The following CYTH1 variants were observed in gnomAD, a reference collection of about 807,000 sequenced individuals.
The protein encoded by CYTH1 is cytohesin 1.
In CYTH1, 18 loss-of-function variants were observed where a neutral mutation model predicts 61.8. That is an observed-to-expected ratio of 0.29 (90% CI 0.20 to 0.43). The LOEUF (loss-of-function observed/expected upper bound fraction) is 0.43, where lower values mean the gene tolerates loss of function less well. Ranked by LOEUF, CYTH1 falls within the 20% of genes least tolerant of loss-of-function variation. The probability of loss-of-function intolerance (pLI) is 1.00; values close to 1 mark genes in which losing one functional copy is unlikely to be tolerated. For synonymous variants in CYTH1, 174 were observed against 184.3 expected, an observed-to-expected ratio of 0.94 and a Z score of 0.45; for missense variants, 336 against 510.5, an observed-to-expected ratio of 0.66 and a Z score of 3.29.
chr17:78,676,288 C>A, intron 13 of CYTH1, 119 bp from the exon 14 acceptor site: 2 of 933,422 alleles, frequency 2.1e-6, no homozygotes, highest in Non-Finnish European at 1.6e-6. Context: ...ACCCCACCAT[C>A]ACTGCAAAGG....
intron 1 of CYTH1, among the ~76,000 whole-genome samples, chr17:78,759,005 A>G (rs1189936707): frequency 6.6e-6 from 1 of 151,868 alleles, no homozygotes; most frequent in African/African-American, 2.4e-5. Context: ...CAGGAAGCTG[A>G]GGTGGGAGGA....
chr17:78,709,433 G>C, intron 2 of CYTH1: 1 of 522,100 alleles, frequency 1.9e-6, no homozygotes, highest in Non-Finnish European at 3.4e-6. Flanking sequence ...CGACCAACTG[G>C]GTGAACCTGG....
At chr17:78,680,494 C>A (rs1436362010) in intron 12 of CYTH1, 150 bp from the exon 13 acceptor site, 6 of 958,644 alleles carry the variant, frequency 6.3e-6, no homozygotes, top group Non-Finnish European at 9.0e-6. Context: ...AGCCTAGAAG[C>A]GGAATTCTAG....
chr17:78,767,181 G>A (rs566419935), intron 1 of CYTH1, among the ~76,000 whole-genome samples: 39 of 152,222 alleles, frequency 2.6e-4, no homozygotes, highest in Non-Finnish European at 3.7e-4. Context: ...TCAAAAGTAC[G>A]TCTCAGCCGG....
intron 1 of CYTH1, among the ~76,000 whole-genome samples, chr17:78,757,607 A>C (rs2093406905): frequency 6.6e-6 from 1 of 152,116 alleles, no homozygotes; most frequent in Non-Finnish European, 1.5e-5. Context: ...GGCAGGAAAA[A>C]ATTTTAATTA....
intron 1 of CYTH1, among the ~76,000 whole-genome samples, chr17:78,735,107 G>C (rs1243739883): frequency 6.6e-6 from 1 of 152,220 alleles, no homozygotes; most frequent in African/African-American, 2.4e-5. Flanking sequence ...GGGGGTAAGG[G>C]AAGCGAAGAA....
intron 1 of CYTH1, among the ~76,000 whole-genome samples, chr17:78,781,181 A>AAAG (rs2093516012): frequency 6.6e-6 from 1 of 150,740 alleles, no homozygotes; most frequent in South Asian, 2.1e-4. Flanking sequence ...AAAAAAAAAA[A>AAAG]AAAAAGAAAA....
At chr17:78,767,090 G>T (rs2093451784) in intron 1 of CYTH1, among the ~76,000 whole-genome samples, 3 of 152,158 alleles carry the variant, frequency 2.0e-5, no homozygotes, top group Non-Finnish European at 4.4e-5. Context: ...TGCTAGTGTG[G>T]GAACAGCTAG....
chr17:78,729,227 C>A (rs117422386), intron 1 of CYTH1, among the ~76,000 whole-genome samples: 16,079 of 152,154 alleles, frequency 0.11, 1,088 homozygotes, highest in Middle Eastern at 0.18. Flanking sequence ...CCCACCTCAG[C>A]CTCCAGAATA....
intron 1 of CYTH1, chr17:78,736,678 C>CGGCTTT: frequency 2.5e-6 from 1 of 395,394 alleles, no homozygotes; most frequent in Non-Finnish European, 5.4e-6. Flanking sequence ...CCGGGGGCTG[C>CGGCTTT]GGCTTTGACT....
At chr17:78,734,746 C>T (rs1199435492) in intron 1 of CYTH1, among the ~76,000 whole-genome samples, 3 of 152,070 alleles carry the variant, frequency 2.0e-5, no homozygotes, top group Non-Finnish European at 4.4e-5. Context: ...AGCCAGAAAG[C>T]AATATTTTTA....
chr17:78,753,117 A>C (rs896803096), intron 1 of CYTH1, among the ~76,000 whole-genome samples: 1 of 152,174 alleles, frequency 6.6e-6, no homozygotes, highest in Non-Finnish European at 1.5e-5. Flanking sequence ...ACATGAGGAC[A>C]ATCAGAGGCA....
intron 1 of CYTH1, among the ~76,000 whole-genome samples, chr17:78,773,565 G>A (rs371435614): frequency 1.3e-5 from 2 of 151,008 alleles, no homozygotes; most frequent in South Asian, 4.2e-4. Context: ...GGAGGCAGAT[G>A]TTGCAGTGAG....
intron 11 of CYTH1, among the ~76,000 whole-genome samples, chr17:78,690,606 GA>G (rs2092874519): frequency 6.6e-6 from 1 of 151,496 alleles, no homozygotes; most frequent in East Asian, 1.9e-4. Context: ...TGAGATGGGA[GA>G]ATCACTTGAA....
At chr17:78,779,007 T>A (rs2093505282) in intron 1 of CYTH1, among the ~76,000 whole-genome samples, 1 of 152,188 alleles carries the variant, frequency 6.6e-6, no homozygotes, top group African/African-American at 2.4e-5. Context: ...CATATGATCA[T>A]CTTACACCAT....
intron 5 of CYTH1, 53 bp downstream of exon 5, chr17:78,702,069 G>C: frequency 1.4e-6 from 2 of 1,405,370 alleles, no homozygotes; most frequent in Admixed American, 1.8e-5. Context: ...TTGTTTCTTT[G>C]TGTCGTTCCT....
At chr17:78,693,391 G>A (rs980943872) in intron 10 of CYTH1, among the ~76,000 whole-genome samples, 1 of 152,118 alleles carries the variant, frequency 6.6e-6, no homozygotes, top group African/African-American at 2.4e-5. Context: ...GGGAGGTCAA[G>A]GTGGGTGGGT....
rs1189787620 is a variant in CYTH1, at chr17:78,760,534, TAC to T, written c.22+21666_22+21667del. On this transcript the variant is annotated intron_variant, in intron 1 of 13. Transcript: ENST00000446868. Reference sequence around the variant, plus strand: ...ATATATATGTATATATATATATACATACATATATATGTATATATATATGTATA... The same window carrying T: ...ATATATATGTATATATATATATACATATATATATGTATATATATATGTATA... Among the ~76,000 whole-genome samples, 59 of 46,510 alleles carry T rather than the reference TAC, an allele frequency of 1.3e-3. 7 individuals carry two copies. The East Asian group carries it at 0.023, about 18-fold the overall frequency. 30.5% of individuals were successfully genotyped at this position (46,510 alleles called of 152,430 possible).
At chr17:78,698,235 A>C in intron 9 of CYTH1, 34 bp downstream of exon 9, 1 of 1,557,116 alleles carries the variant, frequency 6.4e-7, no homozygotes. Context: ...CCTAAGTCTC[A>C]GCTTTAGGAG....
Sources: gnomAD v4.1 joint callset for allele counts (sites outside exome capture counted in the v4.1 genomes callset) on GRCh38, gnomAD v4.1.1 for gene constraint, MANE v1.5 for transcripts, NCBI Gene and HGNC (gene_info 2026-07-23, HGNC 2026-07-21) for gene names.